DNAH2: variants seen among roughly 807,000 people sequenced by gnomAD.
DNAH2 encodes axonemal beta dynein heavy chain 2.
DNAH2 carries 323 observed loss-of-function variants against 523.5 expected under a neutral mutation model. The observed-to-expected ratio is 0.62, with a 90% CI of 0.56 to 0.68. The LOEUF is 0.68. DNAH2 is among the 30% of genes least tolerant of loss of function. The pLI, the probability that DNAH2 is intolerant of heterozygous loss-of-function variation, is 0.00. For missense variants in DNAH2, 4,907 were observed against 5,701.5 expected, an observed-to-expected ratio of 0.86 and a Z score of 4.49; for synonymous variants, 2,093 against 2,177.4, an observed-to-expected ratio of 0.96 and a Z score of 1.08.
intron 77 of DNAH2, among the ~76,000 whole-genome samples, chr17:7,827,374 C>T (rs1597791131): frequency 6.6e-6 from 1 of 152,106 alleles, no homozygotes; most frequent in South Asian, 2.1e-4. Flanking sequence ...TTGACTTTCA[C>T]ATTTAAGTTT....
intron 12 of DNAH2, among the ~76,000 whole-genome samples, chr17:7,744,340 G>C (rs1395013224): frequency 6.6e-6 from 1 of 151,770 alleles, no homozygotes; most frequent in Non-Finnish European, 1.5e-5. Context: ...CCAAATGTAG[G>C]AGGGGCTTTG....
chr17:7,781,089 A>G lies in DNAH2; in HGVS notation c.6051A>G (p.Ser2017=), dbSNP rs1172101139. The G allele has an allele frequency of 1.9e-6, 3 of 1,614,118 alleles. No individual in the cohort carries two copies. Among genetic ancestry groups the G allele is most frequent in the Non-Finnish European group, 2.5e-6 (3 of 1,180,060 alleles). The change falls in exon 39 of 86, where the codon TCA becomes TCG. Residue 2017 remains serine, a synonymous_variant. Coordinates refer to ENST00000572933, the MANE Select transcript of DNAH2 (RefSeq NM_020877.5). ...MRDMNIAKLT[S]VDAPLFNAIV... ...ATATGAACATCGCCAAGCTCACTTC[A>G]GTTGATGCACCCCTGTTCAATGCCA... is the stretch of plus-strand genomic sequence containing the variant.
At chr17:7,731,639 ATTTTAAC>A (rs1178777926) in intron 4 of DNAH2, among the ~76,000 whole-genome samples, 5 of 152,156 alleles carry the variant, frequency 3.3e-5, no homozygotes, top group African/African-American at 9.7e-5. Context: ...TTTAGATGAC[ATTTTAAC>A]TTTTATCTTT....
intron 11 of DNAH2, 53 bp downstream of exon 11, chr17:7,741,045 A>T (rs1187170331): frequency 3.9e-6 from 6 of 1,550,120 alleles, no homozygotes; most frequent in Non-Finnish European, 5.2e-6. Flanking sequence ...GCCAGGAGGG[A>T]TGGGGGATGG....
chr17:7,829,162 G>A (rs925407998), intron 77 of DNAH2, among the ~76,000 whole-genome samples: 21 of 152,056 alleles, frequency 1.4e-4, no homozygotes, highest in African/African-American at 3.9e-4. Flanking sequence ...CTACAGGTGC[G>A]TGTCACCACG....
intron 77 of DNAH2, 97 bp from the exon 78 acceptor site, chr17:7,830,203 T>G: frequency 7.5e-7 from 1 of 1,332,420 alleles, no homozygotes; most frequent in East Asian, 2.3e-5. Flanking sequence ...CCAGTGCCTT[T>G]GTGCAATGAA....
intron 72 of DNAH2, among the ~76,000 whole-genome samples, chr17:7,820,195 T>C (rs62059693): frequency 0.1 from 15,546 of 152,192 alleles, 1,028 homozygotes; most frequent in Non-Finnish European, 0.15. Flanking sequence ...TCCCTCCCCA[T>C]CTTCCCACTG....
At chr17:7,794,214 C>T (rs750370099) in intron 48 of DNAH2, 40 bp from the exon 49 acceptor site, 20 of 1,505,686 alleles carry the variant, frequency 1.3e-5, no homozygotes, top group South Asian at 9.9e-5. Context: ...CTTGCCCTCT[C>T]CCCTCCTGCC....
At chr17:7,729,192 T>G (rs2074913489) in intron 4 of DNAH2, among the ~76,000 whole-genome samples, 1 of 152,006 alleles carries the variant, frequency 6.6e-6, no homozygotes, top group South Asian at 2.1e-4. Flanking sequence ...GAAAAACATA[T>G]GCACTGAGTC....
intron 2 of DNAH2, among the ~76,000 whole-genome samples, chr17:7,722,964 C>CT (rs559136734): frequency 0.051 from 5,807 of 114,710 alleles, 275 homozygotes; most frequent in East Asian, 0.13. Flanking sequence ...CTTTTCTTTC[C>CT]TTTTTTTTTT....
rs1440274866 is a variant in DNAH2 at position 7,793,540 on chromosome 17, C to CTT, written c.7569+337_7569+338dup. Among the ~76,000 whole-genome samples the CTT allele has an allele frequency of 3.8e-3, 465 of 123,040 alleles. 6 individuals carry two copies. The highest frequency in any genetic ancestry group is 0.014 in the African/African-American group (444 of 32,630). The allele number at this position is 123,040 out of a possible 152,430, so 80.7% of individuals were successfully genotyped here. ...CTTCTCTTTCTCTTTCTTTCTTTTT[C>CTT]TTTCTTCTCTTTCTTTCTCTTTCTT... is the stretch of plus-strand genomic sequence containing the variant. On this transcript the variant is annotated intron_variant, in intron 48 of 85. Coordinates refer to ENST00000572933, the MANE Select transcript of DNAH2 (RefSeq NM_020877.5).
Position 7,831,697 on chromosome 17 carries a change from T to G in DNAH2, c.12648T>G (p.Gly4216=), listed in dbSNP as rs149043531. The stretch of plus-strand genomic sequence containing the variant: ...CAGACCTAGAGAAAGGCATCCAGGG[T>G]CTCATCGTCATGTCTACAAGCCTGG... ...SLTDLEKGIQ[G]LIVMSTSLEE... Residue 4216 remains glycine (G), a synonymous_variant, in exon 82 of 86, where the codon GGT becomes GGG. Coordinates refer to ENST00000572933, the MANE Select transcript of DNAH2 (RefSeq NM_020877.5). This position sits in a 1 kb window ranked among gnomAD's most constrained non-coding sequence, Gnocchi z 4.2. 1 of 1,613,954 alleles carries G rather than the reference T, an allele frequency of 6.2e-7. No individual in the cohort carries two copies. Among genetic ancestry groups the G allele is most frequent in the African/African-American group, 1.3e-5 (1 of 74,886 alleles).
intron 63 of DNAH2, among the ~76,000 whole-genome samples, chr17:7,814,158 A>C (rs1286632884): frequency 7.1e-6 from 1 of 140,390 alleles, no homozygotes; most frequent in Non-Finnish European, 1.5e-5. Context: ...TTGGATTTTG[A>C]TTTATGTAAA....
chr17:7,784,813 G>C (rs2076691608), intron 39 of DNAH2, among the ~76,000 whole-genome samples: 3 of 152,102 alleles, frequency 2.0e-5, no homozygotes, highest in Non-Finnish European at 4.4e-5. Context: ...TACACAGAAA[G>C]TTATAAGAGT....
intron 4 of DNAH2, among the ~76,000 whole-genome samples, chr17:7,729,952 T>C (rs1357703832): frequency 1.3e-5 from 2 of 152,150 alleles, no homozygotes; most frequent in South Asian, 2.1e-4. Context: ...GTTCACATGC[T>C]TGCTGCCCAA....
At position 7,740,537 on chromosome 17, in the gene DNAH2, T is replaced by G. The variant is rs1314872260; in HGVS notation, c.1494T>G (p.Leu498=). The part of the protein sequence containing the change: ...GVLLLDTFHR[L]ASREAIKRTY... ...TTCTGCTGGACACCTTCCACAGGCT[T>G]GCCTCCCGCGAGGTGCGGCTGCCCC... Residue 498 remains leucine, a synonymous_variant, in exon 10 of 86, where the codon CTT becomes CTG. Transcript: ENST00000572933. 1 of 1,613,786 alleles carries G rather than the reference T, an allele frequency of 6.2e-7. No homozygotes were observed. Among genetic ancestry groups the G allele is most frequent in the Non-Finnish European group, 8.5e-7 (1 of 1,179,978 alleles).
In DNAH2 at chr17:7,757,131, C is replaced by T. The variant is rs773639143; in HGVS notation, c.1945C>T (p.Arg649Trp). Reference protein sequence around the residue: ...ILFAEIDYWERLLFETPHYVV... With the variant: ...ILFAEIDYWEWLLFETPHYVV... Reference sequence around the variant, plus strand: ...CTTTGCGGAAATTGACTACTGGGAGCGGCTGCTGTTTGAGACGCCCCATTA... The same window carrying T: ...CTTTGCGGAAATTGACTACTGGGAGTGGCTGCTGTTTGAGACGCCCCATTA... Residue 649 changes from arginine to tryptophan, a missense_variant, in exon 13 of 86, where the codon CGG (arginine) becomes TGG (tryptophan). Arg to Trp is a moderately radical substitution (Grantham distance 101). Coordinates refer to ENST00000572933, the MANE Select transcript of DNAH2 (RefSeq NM_020877.5). 9 of 1,614,008 alleles carry T rather than the reference C, an allele frequency of 5.6e-6. No homozygotes were observed. Among genetic ancestry groups the T allele is most frequent in the East Asian group, 2.2e-5 (1 of 44,886 alleles).
intron 53 of DNAH2, 138 bp downstream of exon 53, chr17:7,797,967 C>T: frequency 7.1e-7 from 1 of 1,403,922 alleles, no homozygotes; most frequent in South Asian, 1.4e-5. Flanking sequence ...TGCCCTGTGG[C>T]AGTGTGTGTT....
Position 7,737,151 on chromosome 17 carries a change from A to C in DNAH2, c.1063A>C (p.Lys355Gln), listed in dbSNP as rs140967246. Residue 355 changes from lysine to glutamine, a missense_variant, in exon 8 of 86, where the codon AAG becomes CAG. By Grantham distance (53) the Lys-to-Gln change is moderately conservative. Around this residue, in one of 3 missense-constraint regions of DNAH2, gnomAD observed 2,806 missense variants for 3,190.8 expected, o/e 0.88. Transcript: ENST00000572933. ...PYQELAFMKP[K>Q]DISSKLPKLI... ...CCAGGAGTTGGCTTTCATGAAGCCC[A>C]AGGACATCTCTAGCAAGCTCCCTAA... 1.2e-5 allele frequency: 20 copies of C among 1,614,148 alleles called. No homozygotes were observed. The East Asian group carries it at 2.0e-4, about 16-fold the overall frequency.
Sources: gnomAD v4.1 joint callset for allele counts (sites outside exome capture counted in the v4.1 genomes callset) on GRCh38, gnomAD v4.1.1 for gene constraint, gnomAD v4.1.1 regional missense constraint, Gnocchi (gnomAD v3.1) non-coding constraint, MANE v1.5 for transcripts, NCBI Gene and HGNC (gene_info 2026-07-23, HGNC 2026-07-21) for gene names.